The following LPO variants were observed in gnomAD, a reference collection of about 807,000 sequenced individuals.
The protein encoded by LPO is lactoperoxidase, also known as salivary peroxidase.
A neutral mutation model predicts 68.4 loss-of-function variants in LPO; 70 were observed. The observed-to-expected ratio is 1.02, with a 90% CI of 0.84 to 1.25. LPO has a LOEUF of 1.25. Among genes scored for constraint, LPO ranks in the 50% most tolerant of loss-of-function variants. The pLI is 0.00. For missense variants in LPO, 873 were observed against 908.4 expected (o/e 0.96, Z 0.50); for synonymous variants, 360 against 357.6 (o/e 1.01, Z -0.08).
intron 9 of LPO, among the ~76,000 whole-genome samples, chr17:58,257,105 T>C (rs1159123842): frequency 6.6e-6 from 1 of 151,604 alleles, no homozygotes; most frequent in Non-Finnish European, 1.5e-5. Context: ...TGCTGATTTT[T>C]GTATTTTTAG....
In LPO at chr17:58,267,384, C is replaced by T. The variant is rs771391787; in HGVS notation, c.1729C>T (p.Gln577Ter). ...NSWRAFCDLS[Q>*]PQTLEELNTV... is the part of the protein sequence containing the mutation. The stretch of plus-strand genomic sequence containing the variant: ...CTGGAGAGCCTTCTGTGACCTCTCA[C>T]AGCCGCAGACACTAGAGGAGTTGAA... Residue 577 changes from glutamine to a stop codon, truncating the protein, a stop_gained, in exon 12 of 13, where the codon CAG (glutamine) becomes TAG (stop). Transcript: ENST00000262290. LOFTEE classifies it high-confidence loss of function. 3.7e-6 allele frequency: 6 copies of T among 1,614,082 alleles called. No individual in the cohort carries two copies. In the East Asian group the frequency reaches 8.9e-5, roughly 24 times the overall value.
chr17:58,262,195 G>C (rs531215173), intron 9 of LPO, among the ~76,000 whole-genome samples: 3 of 152,170 alleles, frequency 2.0e-5, no homozygotes, highest in Non-Finnish European at 4.4e-5. Flanking sequence ...GGATAGGTCT[G>C]TGTGCAGCAA....
intron 1 of LPO, among the ~76,000 whole-genome samples, chr17:58,241,844 T>A (rs1009937166): frequency 1.3e-5 from 2 of 152,204 alleles, no homozygotes; most frequent in Non-Finnish European, 2.9e-5. Flanking sequence ...TACAGAGGTC[T>A]CCTGGTCTGG....
intron 1 of LPO, among the ~76,000 whole-genome samples, chr17:58,241,877 T>G (rs1257955820): frequency 1.3e-5 from 2 of 152,134 alleles, no homozygotes; most frequent in Non-Finnish European, 2.9e-5. Context: ...GGAGATGATT[T>G]GGAGAGGGTC....
In LPO at chr17:58,254,965, C is replaced by T. The variant is rs1567820336; in HGVS notation, c.1260C>T (p.Phe420=). ...YQEARKILGA[F]VQIITFRDYL... The stretch of plus-strand genomic sequence containing the variant: ...AAGCCCGGAAAATCCTGGGAGCCTT[C>T]GTGCAGGTAGGGAGTCCCAGGAGCA... The change falls in exon 9 of 13, where the codon TTC becomes TTT. Residue 420 remains phenylalanine (F), a synonymous_variant. Coordinates refer to ENST00000262290, the MANE Select transcript of LPO (RefSeq NM_006151.3). 6 of 1,613,800 alleles carry T rather than the reference C, an allele frequency of 3.7e-6. No individual in the cohort carries two copies. The highest frequency in any genetic ancestry group is 1.1e-5 in the South Asian group (1 of 91,058).
At position 58,252,271 on chromosome 17, in the gene LPO, G is replaced by C; in HGVS notation, c.870G>C (p.Lys290Asn). ...TCGTCTGCCCCACTCCACCCTACAA[G>C]TCCCTGGCCCGAGAGCAGATCAACG... is the stretch of plus-strand genomic sequence containing the variant. ...AGFVCPTPPY[K>N]SLAREQINAL... Residue 290 changes from lysine to asparagine, a missense_variant, in exon 8 of 13, where the codon AAG becomes AAC. By Grantham distance (94) the Lys-to-Asn change is moderately conservative (BLOSUM62 0). Transcript: ENST00000262290. 6.2e-7 allele frequency: 1 copy of C among 1,614,124 alleles called. No individual in the cohort carries two copies.
At chr17:58,240,690 A>G (rs1417599902) in intron 1 of LPO, among the ~76,000 whole-genome samples, 1 of 152,204 alleles carries the variant, frequency 6.6e-6, no homozygotes, top group African/African-American at 2.4e-5. Context: ...AGAGGAGAGG[A>G]GAATTGAATA....
chr17:58,250,401 C>G lies in LPO; in HGVS notation c.574-14C>G. 1 of 1,610,708 alleles carries G rather than the reference C, an allele frequency of 6.2e-7. No individual in the cohort carries two copies. The highest frequency in any genetic ancestry group is 8.5e-7 in the Non-Finnish European group (1 of 1,176,890). Reference sequence around the variant, plus strand: ...TTCCTCTAATCTGCCCTCCCCTTCTCTCTCCATCTGTAGGCCCGGGAGGTA... The same window carrying G: ...TTCCTCTAATCTGCCCTCCCCTTCTGTCTCCATCTGTAGGCCCGGGAGGTA... On this transcript the variant is annotated splice_polypyrimidine_tract_variant and intron_variant, in intron 6 of 12. Coordinates refer to ENST00000262290, the MANE Select transcript of LPO (RefSeq NM_006151.3).
intron 8 of LPO, among the ~76,000 whole-genome samples, chr17:58,254,331 C>T (rs1970027469): frequency 6.6e-6 from 1 of 152,060 alleles, no homozygotes; most frequent in South Asian, 2.1e-4. Flanking sequence ...GATTATTCTC[C>T]CTTTATTACC....
intron 11 of LPO, 132 bp from the exon 12 acceptor site, chr17:58,267,217 C>T (rs1232048395): frequency 1.6e-6 from 1 of 640,504 alleles, no homozygotes; most frequent in Non-Finnish European, 2.7e-6. Context: ...ACAATGGATT[C>T]CCTCCTTCCC....
chr17:58,242,928 C>T (rs1382004805), intron 1 of LPO, 50 bp from the exon 2 acceptor site: 30 of 1,526,230 alleles, frequency 2.0e-5, no homozygotes, highest in South Asian at 3.4e-5. Flanking sequence ...TCAAACCCTC[C>T]CACTTGGTCT....
At chr17:58,244,772 G>A (rs1969823607) in intron 3 of LPO, among the ~76,000 whole-genome samples, 1 of 152,212 alleles carries the variant, frequency 6.6e-6, no homozygotes, top group African/African-American at 2.4e-5. Context: ...CACTCCAGTG[G>A]CTCAGAAGCA....
At chr17:58,246,283 G>A (rs144165184) in intron 3 of LPO, among the ~76,000 whole-genome samples, 8 of 152,262 alleles carry the variant, frequency 5.3e-5, no homozygotes, top group Non-Finnish European at 7.4e-5. Context: ...GAGGTGTGTC[G>A]CCCCAGGGTA....
At chr17:58,249,527 C>T (rs755960996) in intron 5 of LPO, 39 bp from the exon 6 acceptor site, 15 of 1,591,802 alleles carry the variant, frequency 9.4e-6, no homozygotes, top group Non-Finnish European at 1.3e-5. Flanking sequence ...GCCCCGGAGC[C>T]GGCCTGCCGA....
intron 8 of LPO, among the ~76,000 whole-genome samples, chr17:58,253,696 T>A (rs1411907624): frequency 6.6e-6 from 1 of 152,236 alleles, no homozygotes; most frequent in African/African-American, 2.4e-5. Flanking sequence ...TAGGCCAAGA[T>A]ACCTTTATAG....
At position 58,264,994 on chromosome 17, in the gene LPO, T is replaced by C; in HGVS notation, c.1519+20T>C. On this transcript the variant is annotated intron_variant, in intron 10 of 12. Transcript: ENST00000262290. ...AAGATGGTATGCCCTTTCAGGGAAG[T>C]GCTGTCACCTGGGTCTCCCACTCCG... The C allele has an allele frequency of 6.2e-7, 1 of 1,612,034 alleles. No homozygotes were observed.
rs1448170039 is a variant in LPO at position 58,264,877 on chromosome 17, T to G, written c.1422T>G (p.Ser474Arg). 2 of 1,614,242 alleles carry G rather than the reference T, an allele frequency of 1.2e-6. No individual in the cohort carries two copies. The highest frequency in any genetic ancestry group is 2.2e-5 in the South Asian group (2 of 91,086). Residue 474 changes from serine (S) to arginine (R), a missense_variant, in exon 10 of 13, where the codon AGT (serine) becomes AGG (arginine). Transcript: ENST00000262290. Reference protein sequence around the residue: ...FRFGHLEVPSSMFRLDENYQP... With the variant: ...FRFGHLEVPSRMFRLDENYQP... ...TTGGCCACTTGGAGGTCCCCTCTAG[T>G]ATGTTCCGCCTGGATGAGAATTATC...
chr17:58,267,703 C>T, intron 12 of LPO, 84 bp from the exon 13 acceptor site: 1 of 1,477,566 alleles, frequency 6.8e-7, no homozygotes, highest in Non-Finnish European at 9.4e-7. Context: ...TTTCATGGTC[C>T]CTGTGACCCT....
At chr17:58,265,665 T>C (rs1340894788) in intron 10 of LPO, among the ~76,000 whole-genome samples, 1 of 146,714 alleles carries the variant, frequency 6.8e-6, no homozygotes. Flanking sequence ...CACTGCGGCC[T>C]TGACCTCCTG....
Sources: gnomAD v4.1 joint callset for allele counts (sites outside exome capture counted in the v4.1 genomes callset) on GRCh38, gnomAD v4.1.1 for gene constraint, MANE v1.5 for transcripts, NCBI Gene and HGNC (gene_info 2026-07-23, HGNC 2026-07-21) for gene names.